The following ASIC2 variants were observed in gnomAD, a reference collection of about 807,000 sequenced individuals.
ASIC2 encodes the protein acid sensing ion channel subunit 2, also known as acid-sensing ion channel 2.
ASIC2 carries 25 observed loss-of-function variants against 57.3 expected under a neutral mutation model. The ratio of observed to expected loss-of-function variants is 0.44; its 90% CI spans 0.32 to 0.61. ASIC2 has a LOEUF of 0.61. Ranked by LOEUF, ASIC2 falls within the 20% of genes least tolerant of loss-of-function variation. The pLI is 0.06. For synonymous variants in ASIC2, 319 were observed against 307.5 expected, an observed-to-expected ratio of 1.04 and a Z score of -0.39; for missense variants, 641 against 738.1, an observed-to-expected ratio of 0.87 and a Z score of 1.52.
chr17:33,397,445 G>A (rs543418230), intron 1 of ASIC2, among the ~76,000 whole-genome samples: 20 of 152,204 alleles, frequency 1.3e-4, no homozygotes, highest in Non-Finnish European at 2.5e-4. Context: ...GACCTTACAT[G>A]CAGCAGGTGC....
chr17:33,274,695 A>C (rs1048360343), intron 1 of ASIC2, among the ~76,000 whole-genome samples: 13 of 128,218 alleles, frequency 1.0e-4, no homozygotes, highest in Non-Finnish European at 2.0e-4. Flanking sequence ...CTTGGGCTTT[A>C]GCATTAAAAA....
chr17:33,875,878 A>G (rs932056402), intron 1 of ASIC2, among the ~76,000 whole-genome samples: 2 of 152,168 alleles, frequency 1.3e-5, no homozygotes, highest in African/African-American at 4.8e-5. Context: ...AATACCACTC[A>G]ATGGAGGTCT....
chr17:34,013,031 A>C (rs1024196932), intron 1 of ASIC2, among the ~76,000 whole-genome samples: 4 of 152,184 alleles, frequency 2.6e-5, no homozygotes, highest in Non-Finnish European at 4.4e-5. Flanking sequence ...GCCTCACTGA[A>C]ATAGTTGATC....
intron 1 of ASIC2, among the ~76,000 whole-genome samples, chr17:33,821,006 G>A (rs1157395217): frequency 6.6e-6 from 1 of 152,180 alleles, no homozygotes; most frequent in African/African-American, 2.4e-5. Context: ...AGTTCTGCCG[G>A]GAGTTCTGCA....
intron 1 of ASIC2, among the ~76,000 whole-genome samples, chr17:33,912,404 C>T (rs1434805075): frequency 6.6e-6 from 1 of 151,974 alleles, no homozygotes; most frequent in Non-Finnish European, 1.5e-5. Flanking sequence ...ACTGCTTGAA[C>T]CCAGGAGGCA....
At chr17:33,787,973 G>A (rs1172550327) in intron 1 of ASIC2, among the ~76,000 whole-genome samples, 2 of 152,176 alleles carry the variant, frequency 1.3e-5, no homozygotes, top group Non-Finnish European at 2.9e-5. Flanking sequence ...AGAAAACGTA[G>A]GCAATACTAT....
At chr17:33,171,331 T>C (rs988830806) in intron 1 of ASIC2, among the ~76,000 whole-genome samples, 1 of 152,236 alleles carries the variant, frequency 6.6e-6, no homozygotes, top group Non-Finnish European at 1.5e-5. Flanking sequence ...GCTTACTTAA[T>C]ATGTTTTAGT....
chr17:33,242,079 G>A (rs1476988921), intron 1 of ASIC2, among the ~76,000 whole-genome samples: 1 of 152,170 alleles, frequency 6.6e-6, no homozygotes, highest in Non-Finnish European at 1.5e-5. Flanking sequence ...AGCACTTTGG[G>A]AGGCCGAGGC....
chr17:33,398,202 CAA>C (rs1567848151), intron 1 of ASIC2, among the ~76,000 whole-genome samples: 3 of 152,148 alleles, frequency 2.0e-5, no homozygotes, highest in African/African-American at 7.2e-5. Context: ...TACATTAGAA[CAA>C]AAGCTCCAAG....
chr17:33,427,894 A>G (rs1705313662), intron 1 of ASIC2, among the ~76,000 whole-genome samples: 1 of 152,208 alleles, frequency 6.6e-6, no homozygotes, highest in South Asian at 2.1e-4. Context: ...GCCATAAAAC[A>G]CACCGTGGCT....
intron 1 of ASIC2, among the ~76,000 whole-genome samples, chr17:33,802,257 A>T (rs1306274787): frequency 6.6e-6 from 1 of 152,240 alleles, no homozygotes; most frequent in Non-Finnish European, 1.5e-5. Flanking sequence ...AACATGCTGT[A>T]TAGGTTTGTA....
intron 1 of ASIC2, among the ~76,000 whole-genome samples, chr17:33,426,956 C>A (rs1911240883): frequency 6.6e-6 from 1 of 152,186 alleles, no homozygotes; most frequent in Non-Finnish European, 1.5e-5. Context: ...GGTAAGTTAT[C>A]TGAGTCATAT....
At chr17:33,231,926 T>G (rs1908107269) in intron 1 of ASIC2, among the ~76,000 whole-genome samples, 1 of 152,208 alleles carries the variant, frequency 6.6e-6, no homozygotes, top group Non-Finnish European at 1.5e-5. Context: ...TACTTTTCTT[T>G]TTATCCAACA....
intron 3 of ASIC2, among the ~76,000 whole-genome samples, chr17:33,050,769 T>C (rs756935263): frequency 3.3e-5 from 5 of 151,998 alleles, no homozygotes; most frequent in Non-Finnish European, 7.4e-5. Context: ...CCATGGACCA[T>C]GGCCCTCCTG....
intron 1 of ASIC2, among the ~76,000 whole-genome samples, chr17:34,034,876 T>C (rs1177779212): frequency 6.6e-6 from 1 of 152,158 alleles, no homozygotes; most frequent in Non-Finnish European, 1.5e-5. Context: ...CACAAACAAA[T>C]GGAAGAACAT....
chr17:33,483,797 G>T (rs1040434549), intron 1 of ASIC2, among the ~76,000 whole-genome samples: 5 of 152,210 alleles, frequency 3.3e-5, no homozygotes, highest in South Asian at 2.1e-4. Context: ...CCCACAAATT[G>T]TCCACGTATT....
chr17:33,936,096 A>C (rs1013284647), intron 1 of ASIC2: 3 of 152,240 alleles, frequency 2.0e-5, no homozygotes, highest in South Asian at 2.1e-4. Flanking sequence ...GAGATAGCAC[A>C]TGAAGAGCAC....
intron 1 of ASIC2, among the ~76,000 whole-genome samples, chr17:33,227,748 C>T (rs938571442): frequency 6.6e-6 from 1 of 152,146 alleles, no homozygotes; most frequent in Non-Finnish European, 1.5e-5. Context: ...CTTATTGATC[C>T]CATTTAACAG....
intron 1 of ASIC2, among the ~76,000 whole-genome samples, chr17:33,479,338 AT>A (rs1567625723): frequency 6.6e-6 from 1 of 151,992 alleles, no homozygotes. Context: ...CTGTTTCTAT[AT>A]TTGTTGAGGG....
Sources: gnomAD v4.1 joint callset for allele counts (sites outside exome capture counted in the v4.1 genomes callset) on GRCh38, gnomAD v4.1.1 for gene constraint, MANE v1.5 for transcripts, NCBI Gene and HGNC (gene_info 2026-07-23, HGNC 2026-07-21) for gene names.